ADAM32: variants seen among roughly 807,000 people sequenced by gnomAD.
ADAM32 encodes ADAM metallopeptidase domain 32.
Under a neutral mutation model 114.9 loss-of-function variants are expected in ADAM32, and 89 were observed. That is an observed-to-expected ratio of 0.77 (90% confidence interval 0.65 to 0.92). The LOEUF (loss-of-function observed/expected upper bound fraction) is 0.92, where lower values mean the gene tolerates loss of function less well. ADAM32 is among the 40% of genes least tolerant of loss of function. The pLI is 0.00. For synonymous variants in ADAM32, 285 were observed against 307.5 expected, an observed-to-expected ratio of 0.93 and a Z score of 0.77; for missense variants, 870 against 932.8, an observed-to-expected ratio of 0.93 and a Z score of 0.88.
chr8:39,211,006 A>G, intron 11 of ADAM32, 138 bp from the exon 12 acceptor site: 1 of 637,326 alleles, frequency 1.6e-6, no homozygotes, highest in Non-Finnish European at 2.3e-6. Flanking sequence ...ATCCTCAAGT[A>G]TGATTTTGGC....
rs145906413 is a variant in ADAM32 at position 39,207,128 on chromosome 8, T to C, written c.1053-4016T>C. Among the ~76,000 whole-genome samples, 634 of 152,324 alleles carry C rather than the reference T, an allele frequency of 4.2e-3. 3 individuals carry two copies. Among genetic ancestry groups the C allele is most frequent in the African/African-American group, 0.014 (602 of 41,578 alleles). ...TGCAGTGAGGATTTGCTTCTGGATT[T>C]GAGCTTATTATGGCCAGGCTGGCTT... On this transcript the variant is annotated intron_variant, in intron 11 of 24. Coordinates refer to ENST00000379907, the MANE Select transcript of ADAM32 (RefSeq NM_145004.7).
Position 39,230,527 on chromosome 8 carries a change from T to A in ADAM32, c.1526-1500T>A, listed in dbSNP as rs546467937. ...ACTAAACTGAATTTTCAAATTCCTT[T>A]CTTCGGATAATCTCTCAGTGTTTAA... On this transcript the variant is annotated intron_variant, in intron 14 of 24. Transcript: ENST00000379907. Among the ~76,000 whole-genome samples the A allele has an allele frequency of 2.6e-5, 4 of 152,328 alleles. No homozygotes were observed. The South Asian group carries it at 8.3e-4, about 32-fold the overall frequency.
intron 3 of ADAM32, among the ~76,000 whole-genome samples, chr8:39,141,675 G>A (rs1803162457): frequency 6.6e-6 from 1 of 152,130 alleles, no homozygotes; most frequent in Non-Finnish European, 1.5e-5. Context: ...TGTTGATTTG[G>A]GGTGGAGAGT....
At chr8:39,251,378 CA>C (rs80261294) in intron 17 of ADAM32, among the ~76,000 whole-genome samples, 39,478 of 148,074 alleles carry the variant, frequency 0.27, 5,343 homozygotes, top group African/African-American at 0.3. Context: ...CTTTTTGTTA[CA>C]AAAAAAAAAT....
rs547893011 is a variant in ADAM32, at chr8:39,180,265, G to A, written c.916-6644G>A. ...TGAGGGGCTTAGCACCTGGGCCAGC[G>A]GCTGCAGAGGGTGTACTGGGTCCCC... On this transcript the variant is annotated intron_variant, in intron 10 of 24. Transcript: ENST00000379907. Among the ~76,000 whole-genome samples, 8 of 152,358 alleles carry A rather than the reference G, an allele frequency of 5.3e-5. No individual in the cohort carries two copies. The South Asian group carries it at 8.3e-4, about 16-fold the overall frequency.
At chr8:39,154,169 T>C (rs7842665) in intron 6 of ADAM32, among the ~76,000 whole-genome samples, 145,971 of 151,792 alleles carry the variant, frequency 0.96, 70,475 homozygotes, top group East Asian at 1. Context: ...AGGTATTTCT[T>C]CTAGTGCTAT....
intron 9 of ADAM32, chr8:39,166,735 G>T (rs1348563240): frequency 6.6e-6 from 1 of 152,044 alleles, no homozygotes; most frequent in African/African-American, 2.4e-5. Flanking sequence ...GCCTTTATTG[G>T]AGGAGTAAGG....
At chr8:39,221,178 T>G (rs118155964) in intron 12 of ADAM32, 4,815 of 154,742 alleles carry the variant, frequency 0.031, 105 homozygotes, top group Non-Finnish European at 0.047. Context: ...TGTTTCTTTT[T>G]ACAGTCTTTG....
At chr8:39,125,256 C>T (rs1040527979) in intron 2 of ADAM32, among the ~76,000 whole-genome samples, 1 of 151,980 alleles carries the variant, frequency 6.6e-6, no homozygotes, top group Non-Finnish European at 1.5e-5. Flanking sequence ...TGTTGTTTGT[C>T]AGATCTTAAG....
At chr8:39,224,737 C>T (rs1229583191) in intron 14 of ADAM32, among the ~76,000 whole-genome samples, 1 of 151,852 alleles carries the variant, frequency 6.6e-6, no homozygotes, top group Non-Finnish European at 1.5e-5. Flanking sequence ...CTTTGTTGTG[C>T]AAAAGATTTT....
intron 19 of ADAM32, among the ~76,000 whole-genome samples, chr8:39,260,371 T>C (rs779818417): frequency 2.6e-5 from 4 of 152,136 alleles, no homozygotes; most frequent in Non-Finnish European, 5.9e-5. Flanking sequence ...TGAATAGAAA[T>C]GGTGAGAGGG....
intron 4 of ADAM32, among the ~76,000 whole-genome samples, chr8:39,147,454 A>G (rs1198058498): frequency 6.6e-6 from 1 of 151,916 alleles, no homozygotes; most frequent in Non-Finnish European, 1.5e-5. Flanking sequence ...TTTATTATTT[A>G]TATTTTGTTT....
At chr8:39,111,772 G>T in intron 1 of ADAM32, among the ~76,000 whole-genome samples, 1 of 144,268 alleles carries the variant, frequency 6.9e-6, no homozygotes, top group Non-Finnish European at 1.5e-5. Context: ...GTTGGGAAAA[G>T]CTGACATCCG....
intron 19 of ADAM32, among the ~76,000 whole-genome samples, chr8:39,269,509 CTTAGT>C (rs1398447401): frequency 6.6e-6 from 1 of 152,166 alleles, no homozygotes; most frequent in African/African-American, 2.4e-5. Context: ...GATTAATTTT[CTTAGT>C]TTACTCTTTC....
intron 14 of ADAM32, among the ~76,000 whole-genome samples, chr8:39,229,890 T>A (rs1345681304): frequency 6.6e-6 from 1 of 152,206 alleles, no homozygotes; most frequent in East Asian, 1.9e-4. Flanking sequence ...CTGCAGAATA[T>A]ACATTCTATT....
At chr8:39,212,358 C>T (rs1198016280) in intron 12 of ADAM32, among the ~76,000 whole-genome samples, 2 of 152,084 alleles carry the variant, frequency 1.3e-5, no homozygotes, top group African/African-American at 4.8e-5. Flanking sequence ...GTATAATCCA[C>T]ATACAATAAA....
At position 39,270,909 on chromosome 8, in the gene ADAM32, C is replaced by T; in HGVS notation, c.2196C>T (p.Ala732=). 6.2e-7 allele frequency: 1 copy of T among 1,609,156 alleles called. No homozygotes were observed. Among genetic ancestry groups the T allele is most frequent in the Non-Finnish European group, 8.5e-7 (1 of 1,177,066 alleles). ...CGGAAGGTAGCACACAGACATATGCCAGCCAGTAAGTAGTTTAGAAGGTGT... is the reference window on the plus strand; with the variant it reads ...CGGAAGGTAGCACACAGACATATGCTAGCCAGTAAGTAGTTTAGAAGGTGT... ...SKSEGSTQTY[A]SQSSSEGSTQ... is the part of the protein sequence containing the mutation. The change falls in exon 20 of 25, where the codon GCC becomes GCT. Residue 732 remains alanine, a synonymous_variant. Coordinates refer to ENST00000379907, the MANE Select transcript of ADAM32 (RefSeq NM_145004.7).
chr8:39,254,911 G>A (rs1811548370), intron 18 of ADAM32, among the ~76,000 whole-genome samples: 1 of 151,694 alleles, frequency 6.6e-6, no homozygotes, highest in East Asian at 1.9e-4. Flanking sequence ...TCATTCTTAT[G>A]CCTTTGTGTC....
intron 16 of ADAM32, among the ~76,000 whole-genome samples, chr8:39,244,845 TATA>T (rs1276606243): frequency 6.6e-6 from 1 of 151,136 alleles, no homozygotes; most frequent in Non-Finnish European, 1.5e-5. Context: ...AAACTTAAAG[TATA>T]ATAAAAAAAA....
Sources: gnomAD v4.1 joint callset for allele counts (sites outside exome capture counted in the v4.1 genomes callset) on GRCh38, gnomAD v4.1.1 for gene constraint, MANE v1.5 for transcripts, NCBI Gene and HGNC (gene_info 2026-07-23, HGNC 2026-07-21) for gene names.